The following GABPB2 variants were observed in gnomAD, a reference collection of about 807,000 sequenced individuals.
GABPB2 encodes GA binding protein transcription factor subunit beta 2, also known as GA-binding protein subunit beta-2.
A neutral mutation model predicts 39.1 loss-of-function variants in GABPB2; 23 were observed. That is an observed-to-expected ratio of 0.59 (90% confidence interval 0.42 to 0.83). GABPB2 has a LOEUF of 0.83. Among genes scored for constraint, GABPB2 ranks in the 40% least tolerant of loss-of-function variants. The probability of loss-of-function intolerance (pLI) is 0.00; values close to 1 mark genes in which losing one functional copy is unlikely to be tolerated. For missense variants in GABPB2, 467 were observed against 541.1 expected (o/e 0.86, Z 1.36); for synonymous variants, 184 against 199.3 (o/e 0.92, Z 0.65).
intron 1 of GABPB2, among the ~76,000 whole-genome samples, chr1:151,074,603 G>T (rs1414448148): frequency 6.6e-6 from 1 of 151,962 alleles, no homozygotes; most frequent in Non-Finnish European, 1.5e-5. Flanking sequence ...ACAGGCGTGA[G>T]CCACCGCACC....
rs141968581 is a variant in GABPB2, at chr1:151,093,851, AC to A, written c.471+466del. Among the ~76,000 whole-genome samples the A allele has an allele frequency of 5.1e-4, 77 of 151,974 alleles. 1 individual carries two copies. The East Asian group carries it at 0.014, about 27-fold the overall frequency. ...ATGCTCCTTGACTTATGATAGGGTT[AC>A]TTTGGATCCATTTATGATGAGTTTA... On this transcript the variant is annotated intron_variant, in intron 4 of 8. Transcript: ENST00000368918.
intron 7 of GABPB2, among the ~76,000 whole-genome samples, chr1:151,117,006 T>C (rs1371940735): frequency 6.6e-6 from 1 of 152,202 alleles, no homozygotes; most frequent in African/African-American, 2.4e-5. Context: ...TTGCATGGCT[T>C]CCAAGCCTGC....
intron 1 of GABPB2, among the ~76,000 whole-genome samples, chr1:151,085,819 A>C (rs955679148): frequency 2.6e-5 from 4 of 152,174 alleles, no homozygotes; most frequent in African/African-American, 9.7e-5. Context: ...ATCATGTTTC[A>C]GTAAGCAGCA....
At chr1:151,106,549 G>T (rs947340044) in intron 6 of GABPB2, among the ~76,000 whole-genome samples, 9 of 151,922 alleles carry the variant, frequency 5.9e-5, no homozygotes, top group African/African-American at 2.2e-4. Flanking sequence ...TGTTGGCCAG[G>T]CTGGTCTCTA....
At position 151,107,093 on chromosome 1, in the gene GABPB2, A is replaced by T; in HGVS notation, c.793A>T (p.Met265Leu). 6.2e-7 allele frequency: 1 copy of T among 1,613,540 alleles called. No homozygotes were observed. The highest frequency in any genetic ancestry group is 8.5e-7 in the Non-Finnish European group (1 of 1,179,716). ...NSVDSSIQQV[M>L]GSGGQRVITI... ...CGTTGACTCATCAATCCAGCAAGTAATGGGGAGTGGAGGCCAGAGGGTCAT... is the reference window on the plus strand; with the variant it reads ...CGTTGACTCATCAATCCAGCAAGTATTGGGGAGTGGAGGCCAGAGGGTCAT... The change falls in exon 7 of 9, where the codon ATG becomes TTG. Residue 265 changes from methionine to leucine, a missense_variant. Coordinates refer to ENST00000368918, the MANE Select transcript of GABPB2 (RefSeq NM_144618.3).
In GABPB2 at chr1:151,097,839, C is replaced by T. The variant is rs1558144819; in HGVS notation, c.472-13C>T. ...TAAGTGTTCTGATTGAAATATCCTG[C>T]CTTGTTTGATAGGAAGCAATGCAGA... is the stretch of plus-strand genomic sequence containing the variant. On this transcript the variant is annotated splice_polypyrimidine_tract_variant and intron_variant, in intron 4 of 8. Transcript: ENST00000368918. 1.2e-6 allele frequency: 2 copies of T among 1,611,674 alleles called. No individual in the cohort carries two copies. Among genetic ancestry groups the T allele is most frequent in the Non-Finnish European group, 1.7e-6 (2 of 1,178,722 alleles).
rs1681068970 is a variant in GABPB2, at chr1:151,118,854, G to C, written c.*598G>C. ...GTCTGACTCTGTCACCCAGGCTAGA[G>C]TACAGTGGTGCAATCTTGGCTCACT... On this transcript the variant is annotated 3_prime_UTR_variant, in exon 9 of 9. Transcript: ENST00000368918. 6.6e-6 allele frequency: 1 copy of C among 150,828 alleles called. No individual in the cohort carries two copies. The highest frequency in any genetic ancestry group is 2.1e-4 in the South Asian group (1 of 4,794). The allele number at this position is 150,828 out of a possible 1,614,324, so 9.3% of individuals were successfully genotyped here.
At position 151,107,408 on chromosome 1, in the gene GABPB2, A is replaced by G. The variant is rs183352420; in HGVS notation, c.922+186A>G. On this transcript the variant is annotated intron_variant, in intron 7 of 8. Transcript: ENST00000368918. Reference sequence around the variant, plus strand: ...GGCAAAAGCTAATTGCCTAATATGTATAAAATCTGTAGTAAAAACCAGTTG... The same window carrying G: ...GGCAAAAGCTAATTGCCTAATATGTGTAAAATCTGTAGTAAAAACCAGTTG... Among the ~76,000 whole-genome samples, 814 of 152,316 alleles carry G rather than the reference A, an allele frequency of 5.3e-3. 10 individuals carry two copies. The highest frequency in any genetic ancestry group is 0.019 in the African/African-American group (785 of 41,580).
At chr1:151,115,535 G>A (rs1040774845) in intron 7 of GABPB2, among the ~76,000 whole-genome samples, 2 of 151,406 alleles carry the variant, frequency 1.3e-5, no homozygotes, top group African/African-American at 4.8e-5. Flanking sequence ...CGAGTAGCTG[G>A]GATTACAGGC....
At chr1:151,081,140 T>A (rs1677654751) in intron 1 of GABPB2, among the ~76,000 whole-genome samples, 1 of 151,012 alleles carries the variant, frequency 6.6e-6, no homozygotes, top group African/African-American at 2.4e-5. Flanking sequence ...CCCAAAGTGC[T>A]GGGATTACAG....
intron 1 of GABPB2, among the ~76,000 whole-genome samples, chr1:151,072,603 T>C (rs953419787): frequency 2.6e-5 from 4 of 151,496 alleles, no homozygotes; most frequent in African/African-American, 7.3e-5. Flanking sequence ...CCCAGCACTT[T>C]GGGAGGCCGA....
At chr1:151,074,425 C>T (rs1676991296) in intron 1 of GABPB2, among the ~76,000 whole-genome samples, 1 of 151,310 alleles carries the variant, frequency 6.6e-6, no homozygotes, top group Non-Finnish European at 1.5e-5. Context: ...ATTATCCTGC[C>T]TCAGCCTCTC....
chr1:151,082,482 G>A (rs587608608), intron 1 of GABPB2, among the ~76,000 whole-genome samples: 2 of 144,530 alleles, frequency 1.4e-5, no homozygotes, highest in African/African-American at 5.2e-5. Flanking sequence ...GCTCACTGCA[G>A]GCTCCGCCTC....
At chr1:151,086,574 A>G (rs749674956) in intron 1 of GABPB2, among the ~76,000 whole-genome samples, 69 of 152,174 alleles carry the variant, frequency 4.5e-4, no homozygotes, top group Non-Finnish European at 8.8e-4. Flanking sequence ...ATAGTTCCCT[A>G]AAAAGGCATC....
At chr1:151,081,060 T>A (rs61819199) in intron 1 of GABPB2, among the ~76,000 whole-genome samples, 116,788 of 148,822 alleles carry the variant, frequency 0.78, 46,038 homozygotes, top group East Asian at 0.91. Context: ...TTTTTAGTAG[T>A]GACGGGGTTT....
Position 151,097,873 on chromosome 1 carries a change from A to T in GABPB2, c.493A>T (p.Asn165Tyr). The T allele has an allele frequency of 1.2e-6, 2 of 1,614,036 alleles. No homozygotes were observed. The highest frequency in any genetic ancestry group is 1.7e-5 in the Admixed American group (1 of 59,990). Residue 165 changes from asparagine to tyrosine, a missense_variant, in exon 5 of 9, where the codon AAT becomes TAT. By Grantham distance (143) the Asn-to-Tyr change is moderately radical. Coordinates refer to ENST00000368918, the MANE Select transcript of GABPB2 (RefSeq NM_144618.3). ...ILQEAMQNQV[N>Y]VNPERANPVT... The stretch of plus-strand genomic sequence containing the variant: ...ATAGGAAGCAATGCAGAATCAGGTG[A>T]ATGTTAATCCAGAGAGAGCCAACCC...
chr1:151,099,904 A>G (rs1234026782), intron 5 of GABPB2, among the ~76,000 whole-genome samples: 1 of 152,218 alleles, frequency 6.6e-6, no homozygotes, highest in African/African-American at 2.4e-5. Context: ...TCCATTTTAT[A>G]GTAGGGCTTC....
At chr1:151,102,394 T>A (rs1027120791) in intron 5 of GABPB2, among the ~76,000 whole-genome samples, 6 of 152,228 alleles carry the variant, frequency 3.9e-5, no homozygotes, top group Non-Finnish European at 7.3e-5. Context: ...GCGTTTTTAG[T>A]GTTAATCTAT....
chr1:151,090,547 G>A lies in GABPB2; in HGVS notation c.250G>A (p.Ala84Thr), dbSNP rs1008877151. The change falls in exon 3 of 9, where the codon GCG becomes ACG. Residue 84 changes from alanine to threonine, a missense_variant. Coordinates refer to ENST00000368918, the MANE Select transcript of GABPB2 (RefSeq NM_144618.3). ...GCACATGGCTGCAGCCGATGGACATGCGCACATCGTGGAACTGCTTGTTCG... is the reference window on the plus strand; with the variant it reads ...GCACATGGCTGCAGCCGATGGACATACGCACATCGTGGAACTGCTTGTTCG... ...PLHMAAADGHAHIVELLVRNG... is the reference protein window; with the variant it reads ...PLHMAAADGHTHIVELLVRNG... 6.2e-7 allele frequency: 1 copy of A among 1,614,066 alleles called. No individual in the cohort carries two copies. Among genetic ancestry groups the A allele is most frequent in the Non-Finnish European group, 8.5e-7 (1 of 1,179,950 alleles).
Sources: allele counts gnomAD v4.1 joint callset (sites outside exome capture counted in the v4.1 genomes callset), GRCh38; gene constraint gnomAD v4.1.1; transcripts MANE v1.5; gene names NCBI Gene and HGNC (gene_info 2026-07-23, HGNC 2026-07-21).